ODF2L: variants seen among roughly 807,000 people sequenced by gnomAD.
ODF2L encodes the protein protein BCAP.
A neutral mutation model predicts 86.3 loss-of-function variants in ODF2L; 76 were observed. The ratio of observed to expected loss-of-function variants is 0.88; its 90% CI spans 0.73 to 1.07. The LOEUF (loss-of-function observed/expected upper bound fraction) is 1.07, where lower values mean the gene tolerates loss of function less well. Ranked by LOEUF, ODF2L falls within the 50% of genes least tolerant of loss-of-function variation. The probability of loss-of-function intolerance (pLI) is 0.00; values close to 1 mark genes in which losing one functional copy is unlikely to be tolerated. For synonymous variants in ODF2L, 241 were observed against 231.3 expected (o/e 1.04, Z -0.38); for missense variants, 748 against 717.4 (o/e 1.04, Z -0.49).
intron 16 of ODF2L, among the ~76,000 whole-genome samples, chr1:86,354,244 T>C (rs1318047145): frequency 6.6e-6 from 1 of 152,228 alleles, no homozygotes; most frequent in African/African-American, 2.4e-5. Context: ...TATTTGCACA[T>C]TCAATTTGGT....
chr1:86,390,075 A>G (rs1661211755), intron 1 of ODF2L, among the ~76,000 whole-genome samples: 1 of 152,174 alleles, frequency 6.6e-6, no homozygotes. Context: ...CCAGGAAAGG[A>G]CATAACCAAA....
At chr1:86,347,463 T>A (rs938713508), downstream of ODF2L, 2 of 152,172 alleles carry the variant, frequency 1.3e-5, no homozygotes, top group Non-Finnish European at 2.9e-5. Context: ...AGATTTTTTT[T>A]AAAATGACAC....
chr1:86,353,324 C>G (rs990579240), intron 16 of ODF2L, among the ~76,000 whole-genome samples: 2 of 152,128 alleles, frequency 1.3e-5, no homozygotes, highest in African/African-American at 4.8e-5. Context: ...GTGTTAAGAG[C>G]AGTGATGGAA....
At chr1:86,355,178 A>T (rs1005268128) in intron 14 of ODF2L, 14 of 550,940 alleles carry the variant, frequency 2.5e-5, no homozygotes, top group Non-Finnish European at 4.5e-5. Context: ...GGAAAATTTT[A>T]AGCAGTATTA....
intron 11 of ODF2L, among the ~76,000 whole-genome samples, chr1:86,362,144 G>A (rs1280563676): frequency 1.3e-5 from 2 of 151,996 alleles, no homozygotes; most frequent in Non-Finnish European, 2.9e-5. Flanking sequence ...GGGGAAGAGT[G>A]GAAGGAGATG....
chr1:86,350,554 A>G (rs966842621), exon 18 of ODF2L: 1 of 152,252 alleles, frequency 6.6e-6, no homozygotes, highest in Non-Finnish European at 1.5e-5. Context: ...TAGTGCCACA[A>G]TAAATATACG....
At chr1:86,358,623 C>A (rs1180718003) in intron 13 of ODF2L, 164 bp downstream of exon 12, 2 of 331,608 alleles carry the variant, frequency 6.0e-6, no homozygotes, top group East Asian at 1.0e-4. Flanking sequence ...ACATTTCCAG[C>A]CTGGAAGAAA....
chr1:86,389,058 T>C (rs1327957637), intron 1 of ODF2L, among the ~76,000 whole-genome samples: 1 of 152,198 alleles, frequency 6.6e-6, no homozygotes, highest in Non-Finnish European at 1.5e-5. Flanking sequence ...GTTGTGATAA[T>C]TGTGTAACAA....
chr1:86,352,273 AATC>A, intron 17 of ODF2L: 1 of 1,404,082 alleles, frequency 7.1e-7, no homozygotes, highest in Non-Finnish European at 9.3e-7. Flanking sequence ...TACGTAATTT[AATC>A]ATGAGTAATG....
chr1:86,380,023 T>A lies in ODF2L; in HGVS notation c.624+2219A>T, dbSNP rs1311897186. On this transcript the variant is annotated intron_variant, in intron 7 of 17. Coordinates refer to ENST00000317336, the Ensembl canonical transcript of ODF2L. Reference sequence around the variant, plus strand: ...GTACTTAAAGTATTTGAGTATTAAGTATCTATTAAAGACTTATGATTTTAA... The same window carrying A: ...GTACTTAAAGTATTTGAGTATTAAGAATCTATTAAAGACTTATGATTTTAA... Among the ~76,000 whole-genome samples the A allele has an allele frequency of 3.3e-5, 5 of 152,322 alleles. No individual in the cohort carries two copies. In the East Asian group the frequency reaches 9.6e-4, roughly 29 times the overall value.
At chr1:86,383,083 AAAT>A in intron 5 of ODF2L, 48 bp downstream of exon 5, 1 of 1,327,326 alleles carries the variant, frequency 7.5e-7, no homozygotes, top group Non-Finnish European at 1.1e-6. Context: ...AGCAGCATGC[AAAT>A]AACAATGACA....
intron 7 of ODF2L, among the ~76,000 whole-genome samples, chr1:86,379,880 T>C (rs272514): frequency 0.63 from 95,308 of 152,000 alleles, 30,053 homozygotes; most frequent in East Asian, 0.71. Context: ...GGCATGACTA[T>C]CTCTTTGGCA....
chr1:86,386,304 C>T lies in ODF2L; in HGVS notation c.113+611G>A, dbSNP rs894485516. The T allele has an allele frequency of 5.0e-4, 76 of 152,174 alleles. 1 individual carries two copies. Among genetic ancestry groups the T allele is most frequent in the African/African-American group, 1.8e-3 (76 of 41,520 alleles). 9.4% of individuals were successfully genotyped at this position (152,174 alleles called of 1,614,324 possible). A position where few individuals can be genotyped will look rare whatever the true frequency, so the allele number is the denominator to read the frequency against. ...CATTCATTAACTACATTTCTGATAT[C>T]ACATATTATATTTTCATTTATCTTA... is the stretch of plus-strand genomic sequence containing the variant. On this transcript the variant is annotated intron_variant, in intron 2 of 17. Coordinates refer to ENST00000317336, the Ensembl canonical transcript of ODF2L.
intron 11 of ODF2L, among the ~76,000 whole-genome samples, chr1:86,363,865 C>T (rs2100906774): frequency 6.6e-6 from 1 of 152,044 alleles, no homozygotes; most frequent in Admixed American, 6.5e-5. Flanking sequence ...GGTTACTCGG[C>T]CTTGAAAGCA....
At chr1:86,390,061 A>C (rs1407125357) in intron 1 of ODF2L, among the ~76,000 whole-genome samples, 1 of 152,196 alleles carries the variant, frequency 6.6e-6, no homozygotes, top group Non-Finnish European at 1.5e-5. Context: ...CCCTAATGCC[A>C]AAACCAGGAA....
At position 86,356,427 on chromosome 1, in the gene ODF2L, G is replaced by A; in HGVS notation, c.1518+17C>T. On this transcript the variant is annotated intron_variant, in intron 14 of 17. Coordinates refer to ENST00000317336, the Ensembl canonical transcript of ODF2L. ...CTTTTAACGCATCTAGCAAAACTCA[G>A]AAGGACGGCTGGACACCTGGCCCTG... 1 of 1,578,488 alleles carries A rather than the reference G, an allele frequency of 6.3e-7. No homozygotes were observed. The highest frequency in any genetic ancestry group is 1.1e-5 in the South Asian group (1 of 87,768).
chr1:86,395,700 G>A (rs370122455), intron 1 of ODF2L, among the ~76,000 whole-genome samples: 1 of 152,256 alleles, frequency 6.6e-6, no homozygotes, highest in African/African-American at 2.4e-5. Flanking sequence ...ATGATTAAGA[G>A]GTCACTATTT....
chr1:86,355,919 T>A (rs1410602160), intron 14 of ODF2L: 1 of 160,662 alleles, frequency 6.2e-6, no homozygotes, highest in Non-Finnish European at 1.4e-5. Context: ...ATTTCATTAA[T>A]TAAAAAAATA....
Position 86,358,758 on chromosome 1 carries a change from AT to A in ODF2L, c.1359+28del, listed in dbSNP as rs1658783649. The A allele has an allele frequency of 3.3e-6, 3 of 913,226 alleles. No homozygotes were observed. In the South Asian group the frequency reaches 5.5e-5, roughly 17 times the overall value. 56.6% of individuals were successfully genotyped at this position (913,226 alleles called of 1,614,324 possible). A position where few individuals can be genotyped will look rare whatever the true frequency, so the allele number is the denominator to read the frequency against. On this transcript the variant is annotated intron_variant, in intron 13 of 17. Transcript: ENST00000317336. ...ATTCATAAAGTAAAAAATATATAAA[AT>A]ATTATTTATTTGAAATTCCAAACGT...
Sources: allele counts gnomAD v4.1 joint callset (sites outside exome capture counted in the v4.1 genomes callset), GRCh38; gene constraint gnomAD v4.1.1; transcripts MANE v1.5; gene names NCBI Gene and HGNC (gene_info 2026-07-23, HGNC 2026-07-21).